Variants in AXIN1 observed in about 807,000 individuals in gnomAD.
AXIN1 encodes axin 1.
AXIN1 carries 30 observed loss-of-function variants against 76.4 expected under a neutral mutation model. That is an observed-to-expected ratio of 0.39 (90% CI 0.29 to 0.53). The LOEUF is 0.53. Ranked by LOEUF, AXIN1 falls within the 20% of genes least tolerant of loss-of-function variation. The probability of loss-of-function intolerance (pLI) is 0.66; values close to 1 mark genes in which losing one functional copy is unlikely to be tolerated. For synonymous variants in AXIN1, 545 were observed against 501.4 expected (o/e 1.09, Z -1.16); for missense variants, 1,140 against 1,198.8 (o/e 0.95, Z 0.72).
At chr16:347,180 C>CA in intron 1 of AXIN1, 74 bp from the exon 2 acceptor site, 2 of 1,348,766 alleles carry the variant, frequency 1.5e-6, no homozygotes, top group Non-Finnish European at 2.1e-6. Context: ...TTTCTCAAGA[C>CA]AAGACTCACG....
At chr16:319,945 T>G (rs866571599) in intron 2 of AXIN1, among the ~76,000 whole-genome samples, 6 of 152,178 alleles carry the variant, frequency 3.9e-5, no homozygotes, top group African/African-American at 1.4e-4. Context: ...CTTGCCTTCT[T>G]TGGGGTATTT....
intron 2 of AXIN1, among the ~76,000 whole-genome samples, chr16:319,978 TG>T (rs2053402842): frequency 6.6e-6 from 1 of 152,140 alleles, no homozygotes; most frequent in Admixed American, 6.5e-5. Context: ...TTCCTCCCTC[TG>T]AAAAAGTAAA....
In AXIN1 at chr16:315,740, A is replaced by C. The variant is rs183701719; in HGVS notation, c.879-1057T>G. 2.3e-3 allele frequency among the ~76,000 whole-genome samples: 355 copies of C among 151,750 alleles called. 3 individuals are homozygous for C. The highest frequency in any genetic ancestry group is 0.015 in the Admixed American group (234 of 15,254). On this transcript the variant is annotated intron_variant, in intron 2 of 10. Transcript: ENST00000262320. ...CTACTTCGGAGGCTGAGGCGGGAGA[A>C]TAGCGTGAACCTGGGAGGCGGAGCT...
intron 5 of AXIN1, among the ~76,000 whole-genome samples, chr16:302,745 G>T (rs2052908020): frequency 6.6e-6 from 1 of 152,208 alleles, no homozygotes; most frequent in Non-Finnish European, 1.5e-5. Flanking sequence ...AGGATCAGGT[G>T]AATGGAAACG....
intron 1 of AXIN1, among the ~76,000 whole-genome samples, chr16:351,964 G>A (rs2054154653): frequency 6.6e-6 from 1 of 152,174 alleles, no homozygotes; most frequent in Non-Finnish European, 1.5e-5. Flanking sequence ...GCATCAACCT[G>A]GAGGGTACGG....
At chr16:308,741 G>A (rs537267855) in intron 4 of AXIN1, among the ~76,000 whole-genome samples, 6 of 152,096 alleles carry the variant, frequency 3.9e-5, no homozygotes, top group African/African-American at 9.7e-5. Context: ...GCACAAGCAC[G>A]CACACACGCA....
Position 324,978 on chromosome 16 carries a change from T to C in AXIN1, c.879-10295A>G, listed in dbSNP as rs919178918. Among the ~76,000 whole-genome samples, 30 of 152,284 alleles carry C rather than the reference T, an allele frequency of 2.0e-4. 1 individual carries two copies. The highest frequency in any genetic ancestry group is 6.3e-4 in the African/African-American group (26 of 41,566). On this transcript the variant is annotated intron_variant, in intron 2 of 10. Transcript: ENST00000262320. Reference sequence around the variant, plus strand: ...GAAACGGCTGTGTAAAAATCAGCTCTACTGACGCACGGCTGGGTGCTCAGC... The same window carrying C: ...GAAACGGCTGTGTAAAAATCAGCTCCACTGACGCACGGCTGGGTGCTCAGC...
At chr16:330,974 C>CCAGACTGCAGCCCTTG (rs1166155368) in intron 2 of AXIN1, among the ~76,000 whole-genome samples, 1 of 152,184 alleles carries the variant, frequency 6.6e-6, no homozygotes, top group Non-Finnish European at 1.5e-5. Context: ...CAAAGGCCAG[C>CCAGACTGCAGCCCTTG]CAGACTGCAG....
At position 293,470 on chromosome 16, in the gene AXIN1, C is replaced by T. The variant is rs2141484431; in HGVS notation, c.2186+18G>A. 6.2e-7 allele frequency: 1 copy of T among 1,606,390 alleles called. No homozygotes were observed. Among genetic ancestry groups the T allele is most frequent in the African/African-American group, 1.3e-5 (1 of 74,936 alleles). ...TGGTAACCCCCAAGACCCACCCCAC[C>T]CCACGACGCGGCCGTACCTCTGCTT... On this transcript the variant is annotated intron_variant, in intron 8 of 10. Coordinates refer to ENST00000262320, the MANE Select transcript of AXIN1 (RefSeq NM_003502.4). The surrounding 1 kb of genome is among the most constrained non-coding windows in gnomAD (Gnocchi z 4.6).
At chr16:316,095 CTTTA>C (rs201945410) in intron 2 of AXIN1, among the ~76,000 whole-genome samples, 1,952 of 152,052 alleles carry the variant, frequency 0.013, 21 homozygotes, top group African/African-American at 0.032. Context: ...CAATCTTTTC[CTTTA>C]TTTATTTATT....
At chr16:326,984 T>TA (rs895886884) in intron 2 of AXIN1, among the ~76,000 whole-genome samples, 2 of 149,328 alleles carry the variant, frequency 1.3e-5, no homozygotes, top group African/African-American at 4.9e-5. Context: ...ACTAAAAATA[T>TA]AAAAAAAATT....
At chr16:323,369 G>A (rs2053502668) in intron 2 of AXIN1, among the ~76,000 whole-genome samples, 1 of 147,672 alleles carries the variant, frequency 6.8e-6, no homozygotes, top group Non-Finnish European at 1.5e-5. Flanking sequence ...AACCCAGGAG[G>A]CAGAGCTTGC....
intron 5 of AXIN1, among the ~76,000 whole-genome samples, chr16:302,621 C>T (rs1040073318): frequency 6.6e-6 from 1 of 152,184 alleles, no homozygotes; most frequent in Non-Finnish European, 1.5e-5. Context: ...TCCACCCTCA[C>T]GGTGGCATCT....
intron 3 of AXIN1, among the ~76,000 whole-genome samples, chr16:311,671 T>C (rs1305421693): frequency 6.6e-6 from 1 of 152,056 alleles, no homozygotes; most frequent in Non-Finnish European, 1.5e-5. Context: ...CTCGGGAGGC[T>C]GAGGCAGGAG....
At chr16:299,018 C>T (rs1427754991) in intron 5 of AXIN1, 12 of 932,354 alleles carry the variant, frequency 1.3e-5, no homozygotes, top group Non-Finnish European at 1.4e-5. Flanking sequence ...CCACCCACCT[C>T]GGCCTCCCAA....
chr16:290,757 G>T (rs942110256), intron 9 of AXIN1: 6 of 338,804 alleles, frequency 1.8e-5, no homozygotes, highest in Non-Finnish European at 2.9e-5. Context: ...GGACAGACAC[G>T]CATGGCTGAG....
intron 2 of AXIN1, among the ~76,000 whole-genome samples, chr16:320,135 T>A (rs2141614236): frequency 6.6e-6 from 1 of 152,224 alleles, no homozygotes; most frequent in East Asian, 1.9e-4. Context: ...CACTGACATT[T>A]TCTTTTTTAT....
rs530613896 is a variant in AXIN1, at chr16:322,296, G to T, written c.879-7613C>A. Among the ~76,000 whole-genome samples the T allele has an allele frequency of 3.9e-5, 6 of 152,346 alleles. No homozygotes were observed. In the South Asian group the frequency reaches 1.0e-3, roughly 26 times the overall value. Reference sequence around the variant, plus strand: ...CATGGCGCACACCCCAGGCTCCAGGGATGGCCCTGCTGGTAGTGCGGTCTA... The same window carrying T: ...CATGGCGCACACCCCAGGCTCCAGGTATGGCCCTGCTGGTAGTGCGGTCTA... On this transcript the variant is annotated intron_variant, in intron 2 of 10. Transcript: ENST00000262320.
rs1351498353 is a variant in AXIN1 at position 291,717 on chromosome 16, G to A, written c.2187-420C>T. On this transcript the variant is annotated intron_variant, in intron 8 of 10. Coordinates refer to ENST00000262320, the MANE Select transcript of AXIN1 (RefSeq NM_003502.4). ...GCGTGGCAACTCGGTCTGCACCTCA[G>A]GGAGGCTGAGGGCCCCCCGGCGCCA... 3 of 316,894 alleles carry A rather than the reference G, an allele frequency of 9.5e-6. No individual in the cohort carries two copies. The East Asian group carries it at 2.6e-4, about 28-fold the overall frequency. 19.6% of individuals were successfully genotyped at this position (316,894 alleles called of 1,614,324 possible). A position where few individuals can be genotyped will look rare whatever the true frequency, so the allele number is the denominator to read the frequency against.
Sources: gnomAD v4.1 joint callset for allele counts (sites outside exome capture counted in the v4.1 genomes callset) on GRCh38, gnomAD v4.1.1 for gene constraint, Gnocchi (gnomAD v3.1) non-coding constraint, MANE v1.5 for transcripts, NCBI Gene and HGNC (gene_info 2026-07-23, HGNC 2026-07-21) for gene names.